PDE5A: variants seen among roughly 807,000 people sequenced by gnomAD.
The protein encoded by PDE5A is cGMP-specific 3',5'-cyclic phosphodiesterase.
Under a neutral mutation model 110.2 loss-of-function variants are expected in PDE5A, and 67 were observed. The observed-to-expected ratio is 0.61, with a 90% confidence interval of 0.50 to 0.75. The LOEUF (loss-of-function observed/expected upper bound fraction) is 0.75. PDE5A is among the 30% of genes least tolerant of loss of function. PDE5A has a pLI of 0.00. For synonymous variants in PDE5A, 328 were observed against 351.2 expected (o/e 0.93, Z 0.74); for missense variants, 862 against 1,045.1 (o/e 0.82, Z 2.42).
chr4:119,512,255 C>A (rs757109215), intron 14 of PDE5A: 5 of 152,110 alleles, frequency 3.3e-5, no homozygotes, highest in Admixed American at 6.6e-5. Context: ...CTCATCTATT[C>A]TTATTGTTTA....
rs1352351570 is a variant in PDE5A at position 119,501,311 on chromosome 4, ATTAC to A, written c.2407-62_2407-59del. 3.6e-5 allele frequency: 38 copies of A among 1,042,632 alleles called. No homozygotes were observed. The East Asian group carries it at 3.8e-4, about 10-fold the overall frequency. The allele number at this position is 1,042,632 out of a possible 1,614,324, so 64.6% of individuals were successfully genotyped here. ...TGTGCATTTATTTATTTAGTTAGTT[ATTAC>A]TTTATTATTTTTTGAGATGGAGTCT... On this transcript the variant is annotated intron_variant, in intron 19 of 20. Transcript: ENST00000354960.
Position 119,498,494 on chromosome 4 carries a change from C to A in PDE5A, c.*107G>T, listed in dbSNP as rs2110447328. ...TGCAAAAATAAAAATACAGCAGTGG[C>A]AAAGTATATACCAAATACAGACACT... On this transcript the variant is annotated 3_prime_UTR_variant, in exon 21 of 21. Coordinates refer to ENST00000354960, the MANE Select transcript of PDE5A (RefSeq NM_001083.4). 7.9e-7 allele frequency: 1 copy of A among 1,263,580 alleles called. No homozygotes were observed. 78.3% of individuals were successfully genotyped at this position (1,263,580 alleles called of 1,614,324 possible). A position where few individuals can be genotyped will look rare whatever the true frequency, so the allele number is the denominator to read the frequency against.
At chr4:119,575,275 CAGG>C (rs1159356857) in intron 3 of PDE5A, among the ~76,000 whole-genome samples, 2 of 152,194 alleles carry the variant, frequency 1.3e-5, no homozygotes, top group Non-Finnish European at 2.9e-5. Flanking sequence ...GGATATTATA[CAGG>C]AGAACTTCCC....
chr4:119,534,422 C>G (rs1431396014), intron 11 of PDE5A, among the ~76,000 whole-genome samples: 1 of 151,936 alleles, frequency 6.6e-6, no homozygotes, highest in Non-Finnish European at 1.5e-5. Context: ...TTGCATGCTC[C>G]TTATGAGAAT....
In PDE5A at chr4:119,507,573, C is replaced by T. The variant is rs773280877; in HGVS notation, c.2189+31G>A. 8 of 1,324,192 alleles carry T rather than the reference C, an allele frequency of 6.0e-6. No homozygotes were observed. In the East Asian group the frequency reaches 1.7e-4, roughly 28 times the overall value. The allele number at this position is 1,324,192 out of a possible 1,614,324, so 82.0% of individuals were successfully genotyped here. A position where few individuals can be genotyped will look rare whatever the true frequency, so the allele number is the denominator to read the frequency against. ...TGAAACAATGAAAAGACTTCAAATA[C>T]CTATTTCTCAGGTTATTTCTTAAAA... On this transcript the variant is annotated intron_variant, in intron 16 of 20. Coordinates refer to ENST00000354960, the MANE Select transcript of PDE5A (RefSeq NM_001083.4).
chr4:119,616,354 G>A (rs996547639), intron 1 of PDE5A, among the ~76,000 whole-genome samples: 47 of 152,118 alleles, frequency 3.1e-4, no homozygotes, highest in African/African-American at 1.1e-3. Context: ...CCAAATGGAA[G>A]TTGCCTAAAA....
chr4:119,511,867 A>T (rs1247819628), intron 14 of PDE5A, among the ~76,000 whole-genome samples: 3 of 152,078 alleles, frequency 2.0e-5, no homozygotes, highest in Non-Finnish European at 1.5e-5. Context: ...GTCACAAATA[A>T]AGCTTTAAAG....
At chr4:119,612,178 T>G (rs74873671) in intron 1 of PDE5A, among the ~76,000 whole-genome samples, 1 of 152,164 alleles carries the variant, frequency 6.6e-6, no homozygotes, top group African/African-American at 2.4e-5. Context: ...TCTGCCCTCA[T>G]AAATAGGATT....
intron 15 of PDE5A, among the ~76,000 whole-genome samples, chr4:119,509,510 G>A (rs977103987): frequency 1.3e-5 from 2 of 151,892 alleles, no homozygotes; most frequent in Non-Finnish European, 2.9e-5. Context: ...GAATGGAAAG[G>A]GCTGTATATG....
chr4:119,523,050 T>C (rs1560600973), intron 12 of PDE5A, among the ~76,000 whole-genome samples: 1 of 151,906 alleles, frequency 6.6e-6, no homozygotes, highest in African/African-American at 2.4e-5. Flanking sequence ...AATAAGTAAA[T>C]AAACATAAAA....
At chr4:119,577,166 A>C (rs573052808) in intron 3 of PDE5A, among the ~76,000 whole-genome samples, 2 of 151,446 alleles carry the variant, frequency 1.3e-5, no homozygotes, top group Non-Finnish European at 2.9e-5. Context: ...ATAGACCAAT[A>C]ATAGGCTCTG....
chr4:119,522,874 A>G (rs963297738), intron 12 of PDE5A, among the ~76,000 whole-genome samples: 1 of 152,054 alleles, frequency 6.6e-6, no homozygotes, highest in African/African-American at 2.4e-5. Flanking sequence ...ATGACTCTAC[A>G]GAGCATGTTC....
At chr4:119,579,251 C>G (rs906573462) in intron 3 of PDE5A, among the ~76,000 whole-genome samples, 28 of 152,164 alleles carry the variant, frequency 1.8e-4, no homozygotes, top group African/African-American at 6.5e-4. Context: ...GGACTGTAAA[C>G]TAGTTCAATC....
Position 119,521,052 on chromosome 4 carries a change from G to A in PDE5A, c.1788C>T (p.Cys596=). 2 of 1,610,202 alleles carry A rather than the reference G, an allele frequency of 1.2e-6. No individual in the cohort carries two copies. The highest frequency in any genetic ancestry group is 1.7e-6 in the Non-Finnish European group (2 of 1,178,226). Residue 596 remains cysteine (C), a synonymous_variant, in exon 13 of 21, where the codon TGC becomes TGT. Coordinates refer to ENST00000354960, the MANE Select transcript of PDE5A (RefSeq NM_001083.4). ...QNFQMKHEVL[C]RWILSVKKNY... The stretch of plus-strand genomic sequence containing the variant: ...TCTTCTTAACACTTAAAATCCATCT[G>A]CAAAGAACCTTTAGGGAATAAAACA...
intron 20 of PDE5A, among the ~76,000 whole-genome samples, chr4:119,500,502 G>A (rs1048841771): frequency 6.6e-6 from 1 of 151,728 alleles, no homozygotes; most frequent in African/African-American, 2.4e-5. Flanking sequence ...AATATTTCTA[G>A]GTTTTTTTTC....
intron 14 of PDE5A, among the ~76,000 whole-genome samples, chr4:119,518,345 C>T (rs1349451087): frequency 6.6e-5 from 10 of 152,178 alleles, no homozygotes; most frequent in Non-Finnish European, 1.3e-4. Flanking sequence ...CACCTTTATC[C>T]TCTCATTTGT....
intron 11 of PDE5A, among the ~76,000 whole-genome samples, chr4:119,533,952 A>C (rs888692533): frequency 4.6e-5 from 7 of 152,144 alleles, no homozygotes; most frequent in Non-Finnish European, 1.0e-4. Context: ...AGTAAAGAAG[A>C]AGCTCAAGAA....
intron 11 of PDE5A, among the ~76,000 whole-genome samples, chr4:119,532,257 A>G (rs896176410): frequency 6.6e-6 from 1 of 152,128 alleles, no homozygotes; most frequent in Non-Finnish European, 1.5e-5. Flanking sequence ...AATGACAGCT[A>G]TTATTATTAT....
chr4:119,565,246 C>A (rs1727884054), intron 5 of PDE5A, 75 bp downstream of exon 5: 1 of 950,658 alleles, frequency 1.1e-6, no homozygotes, highest in Middle Eastern at 2.9e-4. Flanking sequence ...TAATCATCTG[C>A]ATACATTACT....
Sources: allele counts gnomAD v4.1 joint callset (sites outside exome capture counted in the v4.1 genomes callset), GRCh38; gene constraint gnomAD v4.1.1; transcripts MANE v1.5; gene names NCBI Gene and HGNC (gene_info 2026-07-23, HGNC 2026-07-21).